The following SORCS1 variants were observed in gnomAD, a reference collection of about 807,000 sequenced individuals.
The protein encoded by SORCS1 is VPS10 domain-containing receptor SorCS1.
Under a neutral mutation model 146.1 loss-of-function variants are expected in SORCS1, and 60 were observed. The observed-to-expected ratio is 0.41, with a 90% CI of 0.33 to 0.51. The LOEUF (loss-of-function observed/expected upper bound fraction) is 0.51. SORCS1 is among the 20% of genes least tolerant of loss of function. The pLI is 0.21. For missense variants in SORCS1, 1,352 were observed against 1,487.6 expected, an observed-to-expected ratio of 0.91 and a Z score of 1.50; for synonymous variants, 637 against 584.0, an observed-to-expected ratio of 1.09 and a Z score of -1.31.
At chr10:106,902,820 T>C (rs1932962854) in intron 2 of SORCS1, among the ~76,000 whole-genome samples, 1 of 152,244 alleles carries the variant, frequency 6.6e-6, no homozygotes, top group Non-Finnish European at 1.5e-5. Flanking sequence ...GGCTCACGCC[T>C]ATAATCCCAG....
At chr10:107,138,746 C>A (rs759716950) in intron 1 of SORCS1, among the ~76,000 whole-genome samples, 19 of 152,100 alleles carry the variant, frequency 1.2e-4, no homozygotes, top group Non-Finnish European at 2.8e-4. Flanking sequence ...CTCACTGAAG[C>A]CAAATAACAT....
chr10:106,734,488 C>T lies in SORCS1; in HGVS notation c.960-4374G>A, dbSNP rs111452370. Among the ~76,000 whole-genome samples, 596 of 152,304 alleles carry T rather than the reference C, an allele frequency of 3.9e-3. 4 individuals carry two copies. The highest frequency in any genetic ancestry group is 0.014 in the African/African-American group (565 of 41,574). On this transcript the variant is annotated intron_variant, in intron 5 of 25. Transcript: ENST00000263054. ...CTCATTTGTCAATCTCCTTTATTGA[C>T]AGACAGACTCAAACCTTTCTGTACC...
intron 1 of SORCS1, among the ~76,000 whole-genome samples, chr10:106,982,593 AAT>A (rs1378372751): frequency 6.6e-6 from 1 of 152,172 alleles, no homozygotes; most frequent in African/African-American, 2.4e-5. Flanking sequence ...ATTTAAGAAC[AAT>A]ATCTTTTCAA....
chr10:107,139,418 ACACTGC>A (rs1967609583), intron 1 of SORCS1, among the ~76,000 whole-genome samples: 1 of 152,244 alleles, frequency 6.6e-6, no homozygotes, highest in African/African-American at 2.4e-5. Context: ...TGAAATAAAG[ACACTGC>A]CACCTAGACC....
intron 9 of SORCS1, among the ~76,000 whole-genome samples, chr10:106,695,635 T>C (rs1853639099): frequency 6.6e-6 from 1 of 152,212 alleles, no homozygotes; most frequent in Non-Finnish European, 1.5e-5. Context: ...GGGAGAGTTA[T>C]GGAAGGTTCT....
At chr10:107,179,488 G>A in the SORCS1 span, among the ~76,000 whole-genome samples, 1 of 152,088 alleles carries the variant, frequency 6.6e-6, no homozygotes, top group African/African-American at 2.4e-5. Flanking sequence ...TAAACCTCTT[G>A]AGAATGGCAT....
chr10:107,118,234 G>T (rs932334392), intron 1 of SORCS1, among the ~76,000 whole-genome samples: 6 of 152,104 alleles, frequency 3.9e-5, no homozygotes, highest in African/African-American at 1.4e-4. Flanking sequence ...TCTGAACCAG[G>T]ATGTGGGCTC....
At chr10:106,654,628 A>G (rs1225352846) in intron 17 of SORCS1, among the ~76,000 whole-genome samples, 1 of 152,226 alleles carries the variant, frequency 6.6e-6, no homozygotes, top group Non-Finnish European at 1.5e-5. Context: ...AAATATCTGC[A>G]TAATAATTGG....
intron 1 of SORCS1, among the ~76,000 whole-genome samples, chr10:107,141,827 C>T (rs1247450023): frequency 6.6e-6 from 1 of 152,198 alleles, no homozygotes; most frequent in Non-Finnish European, 1.5e-5. Flanking sequence ...GCTGAGGCAG[C>T]AGAGTGATTT....
chr10:106,601,392 A>G (rs1333118800), intron 23 of SORCS1, among the ~76,000 whole-genome samples: 1 of 152,226 alleles, frequency 6.6e-6, no homozygotes, highest in Non-Finnish European at 1.5e-5. Context: ...CATAGAAACA[A>G]CACATTATTC....
chr10:106,577,429 A>C lies in SORCS1; in HGVS notation c.3498T>G (p.Tyr1166Ter). 1 of 1,612,708 alleles carries C rather than the reference A, an allele frequency of 6.2e-7. No homozygotes were observed. Among genetic ancestry groups the C allele is most frequent in the Non-Finnish European group, 8.5e-7 (1 of 1,179,130 alleles). ...TPKRGSAGAQ[Y>*]AI ...CCTTTGGGGGTTTTCCTTAAATTGC[A>C]TACTGTGCCCCAGCAGATCCCCGCT... Residue 1166 changes from tyrosine to a stop codon, truncating the protein, a stop_gained, in exon 26 of 26, where the codon TAT becomes TAG. Coordinates refer to ENST00000263054, the MANE Select transcript of SORCS1 (RefSeq NM_052918.5). LOFTEE classifies it high-confidence loss of function.
At chr10:106,599,913 A>T (rs745332115) in intron 23 of SORCS1, among the ~76,000 whole-genome samples, 22 of 152,060 alleles carry the variant, frequency 1.4e-4, no homozygotes, top group Admixed American at 5.2e-4. Flanking sequence ...CTGGGATTAC[A>T]GGCGCCTGCC....
chr10:107,049,426 A>T (rs1042749105), intron 1 of SORCS1, among the ~76,000 whole-genome samples: 5 of 152,082 alleles, frequency 3.3e-5, no homozygotes, highest in African/African-American at 1.2e-4. Context: ...TAATAAAAAA[A>T]ATACACCCCA....
intron 1 of SORCS1, among the ~76,000 whole-genome samples, chr10:106,997,206 T>C (rs1957038502): frequency 1.3e-5 from 2 of 152,150 alleles, no homozygotes. Flanking sequence ...ACCTTTAGAC[T>C]CAGCACCTTG....
chr10:106,877,349 G>A (rs923060508), intron 2 of SORCS1, among the ~76,000 whole-genome samples: 4 of 152,060 alleles, frequency 2.6e-5, no homozygotes, highest in African/African-American at 7.2e-5. Flanking sequence ...TTGGGAGGTC[G>A]AGCAGGGAGG....
chr10:106,772,422 CA>C (rs759498305), intron 4 of SORCS1, among the ~76,000 whole-genome samples: 1 of 152,006 alleles, frequency 6.6e-6, no homozygotes, highest in Non-Finnish European at 1.5e-5. Flanking sequence ...TAAGCCTCCA[CA>C]ATTACATGAG....
intron 1 of SORCS1, among the ~76,000 whole-genome samples, chr10:107,134,792 T>C (rs1274318914): frequency 2.0e-5 from 3 of 152,166 alleles, no homozygotes; most frequent in Non-Finnish European, 4.4e-5. Context: ...AGGATTTTAA[T>C]GGGAGTACAA....
At chr10:107,067,026 G>C (rs561458678) in intron 1 of SORCS1, among the ~76,000 whole-genome samples, 3 of 152,180 alleles carry the variant, frequency 2.0e-5, no homozygotes, top group Non-Finnish European at 4.4e-5. Flanking sequence ...TGTGGGAGGG[G>C]TACAGTAAAA....
chr10:106,841,868 A>G (rs1026381057), intron 2 of SORCS1, among the ~76,000 whole-genome samples: 2 of 152,238 alleles, frequency 1.3e-5, no homozygotes, highest in African/African-American at 4.8e-5. Context: ...TTCGACAATT[A>G]TAAATAAAAC....
Sources: allele counts gnomAD v4.1 joint callset (sites outside exome capture counted in the v4.1 genomes callset), GRCh38; gene constraint gnomAD v4.1.1; transcripts MANE v1.5; gene names NCBI Gene and HGNC (gene_info 2026-07-23, HGNC 2026-07-21).